Variants in BAIAP2L1 observed in about 807,000 individuals in gnomAD.
The protein encoded by BAIAP2L1 is BAR/IMD domain containing adaptor protein 2 like 1.
In BAIAP2L1, 35 loss-of-function variants were observed where a neutral mutation model predicts 66.3. The observed-to-expected ratio is 0.53, with a 90% CI of 0.40 to 0.70. BAIAP2L1 has a LOEUF of 0.70. Ranked by LOEUF, BAIAP2L1 falls within the 30% of genes least tolerant of loss-of-function variation. The probability of loss-of-function intolerance (pLI) is 0.00; values close to 1 mark genes in which losing one functional copy is unlikely to be tolerated. For missense variants in BAIAP2L1, 622 were observed against 656.9 expected (o/e 0.95, Z 0.58); for synonymous variants, 269 against 248.7 (o/e 1.08, Z -0.77).
intron 1 of BAIAP2L1, among the ~76,000 whole-genome samples, chr7:98,376,516 A>T (rs910001628): frequency 6.6e-6 from 1 of 151,606 alleles, no homozygotes; most frequent in Non-Finnish European, 1.5e-5. Flanking sequence ...TTGTCTCAAA[A>T]AACAAAACAA....
intron 1 of BAIAP2L1, among the ~76,000 whole-genome samples, chr7:98,397,427 C>CCTCA (rs1562797603): frequency 4.7e-5 from 7 of 148,606 alleles, no homozygotes; most frequent in African/African-American, 1.8e-4. Context: ...CTGGTTCAAG[C>CCTCA]GATTATCCTG....
At chr7:98,317,716 A>T (rs920514694) in intron 5 of BAIAP2L1, among the ~76,000 whole-genome samples, 3 of 150,744 alleles carry the variant, frequency 2.0e-5, no homozygotes, top group Non-Finnish European at 4.4e-5. Flanking sequence ...ATCACCCCGC[A>T]GTTCACACCA....
chr7:98,334,766 G>A (rs1018280068), intron 3 of BAIAP2L1, among the ~76,000 whole-genome samples: 2 of 151,550 alleles, frequency 1.3e-5, no homozygotes, highest in Non-Finnish European at 3.0e-5. Context: ...GGCTGGTCTC[G>A]AACTCCTGAC....
At chr7:98,367,990 A>C (rs1428663545) in intron 1 of BAIAP2L1, among the ~76,000 whole-genome samples, 3 of 152,142 alleles carry the variant, frequency 2.0e-5, no homozygotes, top group African/African-American at 7.2e-5. Context: ...CGCAAGTAAA[A>C]TACGGAACTG....
chr7:98,307,625 C>T, intron 10 of BAIAP2L1, 64 bp downstream of exon 10: 3 of 1,594,988 alleles, frequency 1.9e-6, no homozygotes, highest in Non-Finnish European at 2.6e-6. Context: ...CAGTTTGCAG[C>T]TTGGCTGCTC....
chr7:98,371,935 C>T (rs1802519194), intron 1 of BAIAP2L1, among the ~76,000 whole-genome samples: 1 of 151,820 alleles, frequency 6.6e-6, no homozygotes, highest in Non-Finnish European at 1.5e-5. Context: ...GCTGAGACTA[C>T]AGATGCCCGC....
chr7:98,297,086 C>G (rs990310345), intron 12 of BAIAP2L1, among the ~76,000 whole-genome samples: 11 of 152,228 alleles, frequency 7.2e-5, no homozygotes, highest in South Asian at 2.1e-4. Flanking sequence ...ACTAAGGCCA[C>G]GAAACCAGCA....
chr7:98,381,657 G>T (rs1182356630), intron 1 of BAIAP2L1, among the ~76,000 whole-genome samples: 1 of 152,188 alleles, frequency 6.6e-6, no homozygotes, highest in Non-Finnish European at 1.5e-5. Context: ...TATATTACTA[G>T]ACGCAATCAC....
rs113259442 is a variant in BAIAP2L1 at position 98,391,959 on chromosome 7, T to C, written c.51+8843A>G. 4.5e-3 allele frequency among the ~76,000 whole-genome samples: 687 copies of C among 152,188 alleles called. 6 individuals are homozygous for C. The highest frequency in any genetic ancestry group is 0.016 in the African/African-American group (660 of 41,536). On this transcript the variant is annotated intron_variant, in intron 1 of 13. Transcript: ENST00000005260. ...TAGGTGTTCTGGCCAATGTCCATAT[T>C]CTATATGGTACACATGCTTAAATAC...
Position 98,310,592 on chromosome 7 carries a change from C to T in BAIAP2L1, c.808G>A (p.Val270Ile). Residue 270 changes from valine to isoleucine, a missense_variant and splice_region_variant, in exon 9 of 14, where the codon GTT becomes ATT. Val to Ile is a conservative substitution (Grantham distance 29). Coordinates refer to ENST00000005260, the MANE Select transcript of BAIAP2L1 (RefSeq NM_018842.5). ...GAAAGGGTGTCGTAATCTTTCCTAA[C>T]CTGTGAAAAATTCTTTATTAGTCCA... ...ASPMIERSNVVRKDYDTLSKC... is the reference protein window; with the variant it reads ...ASPMIERSNVIRKDYDTLSKC... 1 of 1,563,174 alleles carries T rather than the reference C, an allele frequency of 6.4e-7. No individual in the cohort carries two copies.
chr7:98,301,898 T>C (rs2116827135), intron 12 of BAIAP2L1, among the ~76,000 whole-genome samples: 1 of 152,240 alleles, frequency 6.6e-6, no homozygotes, highest in East Asian at 1.9e-4. Context: ...TGGTGGAGGC[T>C]GCAGGGCACC....
At chr7:98,337,570 T>A (rs1801642656) in intron 3 of BAIAP2L1, among the ~76,000 whole-genome samples, 2 of 152,252 alleles carry the variant, frequency 1.3e-5, no homozygotes, top group Admixed American at 1.3e-4. Context: ...TGCCTGAATA[T>A]TCCAGAGTGC....
chr7:98,320,625 G>A (rs1014177181), intron 3 of BAIAP2L1, among the ~76,000 whole-genome samples: 10 of 152,096 alleles, frequency 6.6e-5, no homozygotes, highest in Non-Finnish European at 1.3e-4. Context: ...GTGAGCCGCC[G>A]CGCCAGGCCC....
At chr7:98,395,493 G>T (rs938227482) in intron 1 of BAIAP2L1, among the ~76,000 whole-genome samples, 1 of 151,886 alleles carries the variant, frequency 6.6e-6, no homozygotes, top group Non-Finnish European at 1.5e-5. Context: ...GCAGCGACTG[G>T]GAGGTGGCAC....
At chr7:98,307,949 G>T in intron 9 of BAIAP2L1, 53 bp from the exon 10 acceptor site, 1 of 1,534,674 alleles carries the variant, frequency 6.5e-7, no homozygotes, top group South Asian at 1.1e-5. Flanking sequence ...GAATCAATAG[G>T]CACATTCCAA....
intron 3 of BAIAP2L1, among the ~76,000 whole-genome samples, chr7:98,338,768 C>A (rs906858042): frequency 6.6e-6 from 1 of 152,110 alleles, no homozygotes; most frequent in South Asian, 2.1e-4. Context: ...CTGCTCTGAA[C>A]ATTTGTGGTC....
In BAIAP2L1 at chr7:98,352,250, A is replaced by G. The variant is rs145642783; in HGVS notation, c.214+2792T>C. ...CATGGAATTGTTCGAAACGAGAAGA[A>G]AAACCAGTAACTACATGAGATAGCA... On this transcript the variant is annotated intron_variant, in intron 3 of 13. Coordinates refer to ENST00000005260, the MANE Select transcript of BAIAP2L1 (RefSeq NM_018842.5). Among the ~76,000 whole-genome samples the G allele has an allele frequency of 4.3e-3, 657 of 152,336 alleles. 1 individual carries two copies. Among genetic ancestry groups the G allele is most frequent in the African/African-American group, 0.015 (623 of 41,566 alleles).
intron 3 of BAIAP2L1, among the ~76,000 whole-genome samples, chr7:98,343,518 G>C (rs999927930): frequency 5.3e-5 from 8 of 152,142 alleles, no homozygotes; most frequent in African/African-American, 1.9e-4. Context: ...CCTGACTACT[G>C]ATCTCTGGAT....
At chr7:98,319,049 C>T (rs1801165006) in intron 5 of BAIAP2L1, among the ~76,000 whole-genome samples, 4 of 152,214 alleles carry the variant, frequency 2.6e-5, no homozygotes, top group Non-Finnish European at 5.9e-5. Flanking sequence ...ACCTTAGCAG[C>T]TGTCCGGGTC....
Sources: gnomAD v4.1 joint callset for allele counts (sites outside exome capture counted in the v4.1 genomes callset) on GRCh38, gnomAD v4.1.1 for gene constraint, MANE v1.5 for transcripts, NCBI Gene and HGNC (gene_info 2026-07-23, HGNC 2026-07-21) for gene names.